Variants in RSRC1 observed in about 807,000 individuals in gnomAD.
RSRC1 encodes the protein arginine and serine rich coiled-coil 1.
In RSRC1, 39 loss-of-function variants were observed where a neutral mutation model predicts 49.1. The observed-to-expected ratio is 0.79, with a 90% CI of 0.61 to 1.04. RSRC1 has a LOEUF of 1.04. Among genes scored for constraint, RSRC1 ranks in the 50% least tolerant of loss-of-function variants. The pLI is 0.00. For missense variants in RSRC1, 388 were observed against 402.4 expected, an observed-to-expected ratio of 0.96 and a Z score of 0.31; for synonymous variants, 143 against 130.8, an observed-to-expected ratio of 1.09 and a Z score of -0.63.
intron 3 of RSRC1, among the ~76,000 whole-genome samples, chr3:158,127,150 T>C (rs1197148997): frequency 6.6e-6 from 1 of 152,166 alleles, no homozygotes; most frequent in Non-Finnish European, 1.5e-5. Flanking sequence ...TCTTTTGAAC[T>C]TCTTAAATTT....
chr3:158,129,945 C>T (rs940580325), intron 3 of RSRC1, among the ~76,000 whole-genome samples: 10 of 152,116 alleles, frequency 6.6e-5, no homozygotes, highest in African/African-American at 2.2e-4. Context: ...TTTAGTTTCT[C>T]CAAACAATGT....
chr3:158,542,184 A>G (rs1713067933), intron 8 of RSRC1, among the ~76,000 whole-genome samples: 1 of 152,228 alleles, frequency 6.6e-6, no homozygotes, highest in East Asian at 1.9e-4. Context: ...GACATTATTT[A>G]GCAATAAAGA....
intron 5 of RSRC1, among the ~76,000 whole-genome samples, chr3:158,345,701 C>A (rs555288877): frequency 6.6e-6 from 1 of 151,540 alleles, no homozygotes; most frequent in Non-Finnish European, 1.5e-5. Flanking sequence ...GGGGTGCTGG[C>A]ATCACTATTG....
At chr3:158,507,717 T>C (rs1739929527) in intron 7 of RSRC1, among the ~76,000 whole-genome samples, 1 of 152,190 alleles carries the variant, frequency 6.6e-6, no homozygotes, top group Non-Finnish European at 1.5e-5. Context: ...ACAAGAATGC[T>C]TGAGTGTCCA....
chr3:158,538,343 C>T (rs150345735), intron 8 of RSRC1, among the ~76,000 whole-genome samples: 249 of 151,944 alleles, frequency 1.6e-3, no homozygotes, highest in Middle Eastern at 3.4e-3. Context: ...TTCCTTTGAA[C>T]TTTTGATAGT....
intron 3 of RSRC1, among the ~76,000 whole-genome samples, chr3:158,192,238 G>A (rs1314258216): frequency 6.6e-6 from 1 of 151,974 alleles, no homozygotes; most frequent in Non-Finnish European, 1.5e-5. Context: ...AAAACTTACT[G>A]CTTTCTTTGA....
At chr3:158,152,948 G>A (rs1246001216) in intron 3 of RSRC1, among the ~76,000 whole-genome samples, 2 of 152,030 alleles carry the variant, frequency 1.3e-5, no homozygotes. Flanking sequence ...CCTAACACTT[G>A]GAAAGTTTAG....
At chr3:158,492,523 C>T (rs532678247) in intron 7 of RSRC1, among the ~76,000 whole-genome samples, 13 of 152,290 alleles carry the variant, frequency 8.5e-5, no homozygotes, top group Admixed American at 3.9e-4. Context: ...TAAACATCTT[C>T]TTCCCCCCAA....
Position 158,545,046 on chromosome 3 carries a change from T to C in RSRC1, c.*771T>C, listed in dbSNP as rs1026941101. ...CCGGCTAATTGTTTTGATAAGGCTA[T>C]CTGCCATTGTAGAATACCTTTCTCT... On this transcript the variant is annotated 3_prime_UTR_variant, in exon 10 of 10. Transcript: ENST00000611884. 16 of 152,216 alleles carry C rather than the reference T, an allele frequency of 1.1e-4. No homozygotes were observed. The highest frequency in any genetic ancestry group is 3.9e-4 in the African/African-American group (16 of 41,458). 9.4% of individuals were successfully genotyped at this position (152,216 alleles called of 1,614,324 possible).
At chr3:158,264,442 C>T (rs1310318154) in intron 4 of RSRC1, among the ~76,000 whole-genome samples, 1 of 152,110 alleles carries the variant, frequency 6.6e-6, no homozygotes, top group Non-Finnish European at 1.5e-5. Context: ...CTCAGAATAG[C>T]TCTATTTTGA....
At chr3:158,343,789 G>A (rs1730389384) in intron 5 of RSRC1, among the ~76,000 whole-genome samples, 1 of 152,040 alleles carries the variant, frequency 6.6e-6, no homozygotes, top group Non-Finnish European at 1.5e-5. Flanking sequence ...AGAAAAAGAA[G>A]GCTTAGAAGA....
chr3:158,483,495 A>G lies in RSRC1; in HGVS notation c.652+22492A>G, dbSNP rs1578532042. On this transcript the variant is annotated intron_variant, in intron 7 of 9. Transcript: ENST00000611884. ...TGCATTAGCAAAGAATAGAGAACCC[A>G]TGTGAAATGAGCTGAAAAGATCATT... 2.0e-5 allele frequency among the ~76,000 whole-genome samples: 3 copies of G among 152,198 alleles called. 1 individual carries two copies. The highest frequency in any genetic ancestry group is 4.1e-4 in the South Asian group (2 of 4,832).
chr3:158,204,679 G>A (rs1721252459), intron 4 of RSRC1, among the ~76,000 whole-genome samples: 1 of 152,080 alleles, frequency 6.6e-6, no homozygotes, highest in African/African-American at 2.4e-5. Context: ...AATAAAACTT[G>A]TCAATCAAGG....
intron 3 of RSRC1, among the ~76,000 whole-genome samples, chr3:158,195,390 G>A (rs1354794468): frequency 6.7e-6 from 1 of 149,516 alleles, no homozygotes; most frequent in African/African-American, 2.5e-5. Flanking sequence ...TGTAGATTCT[G>A]GATATTAGCC....
intron 4 of RSRC1, among the ~76,000 whole-genome samples, chr3:158,261,148 G>GCCTT (rs1290957909): frequency 3.3e-5 from 5 of 152,222 alleles, no homozygotes; most frequent in African/African-American, 9.6e-5. Flanking sequence ...ATCTTGCTCC[G>GCCTT]CCTTCCCTCT....
chr3:158,491,715 G>A (rs74921926), intron 7 of RSRC1, among the ~76,000 whole-genome samples: 1,621 of 152,196 alleles, frequency 0.011, 22 homozygotes, highest in African/African-American at 0.037. Context: ...CTGAAGTAAT[G>A]AAAATAAAGA....
At chr3:158,129,701 C>T in intron 3 of RSRC1, among the ~76,000 whole-genome samples, 2 of 152,188 alleles carry the variant, frequency 1.3e-5, no homozygotes, top group East Asian at 3.9e-4. Context: ...ATTCCTTTGT[C>T]TGTTTTTATA....
chr3:158,140,724 T>C (rs1255506764), intron 3 of RSRC1, among the ~76,000 whole-genome samples: 1 of 152,232 alleles, frequency 6.6e-6, no homozygotes, highest in Non-Finnish European at 1.5e-5. Flanking sequence ...ATCATGAAAA[T>C]GTATTATATT....
chr3:158,147,314 C>T (rs1717202687), intron 3 of RSRC1, among the ~76,000 whole-genome samples: 2 of 151,788 alleles, frequency 1.3e-5, no homozygotes, highest in South Asian at 4.2e-4. Flanking sequence ...AGTCACAGCT[C>T]ACTGCAACCT....
Sources: allele counts gnomAD v4.1 joint callset (sites outside exome capture counted in the v4.1 genomes callset), GRCh38; gene constraint gnomAD v4.1.1; transcripts MANE v1.5; gene names NCBI Gene and HGNC (gene_info 2026-07-23, HGNC 2026-07-21).